The following CRB1 variants were observed in gnomAD, a reference collection of about 807,000 sequenced individuals.
CRB1 encodes the protein protein crumbs homolog 1.
In CRB1, 83 loss-of-function variants were observed where a neutral mutation model predicts 120.0. The observed-to-expected ratio is 0.69, with a 90% CI of 0.58 to 0.83. The LOEUF (loss-of-function observed/expected upper bound fraction) is 0.83. Ranked by LOEUF, CRB1 falls within the 40% of genes least tolerant of loss-of-function variation. CRB1 has a pLI of 0.00. For missense variants in CRB1, 1,699 were observed against 1,687.6 expected, an observed-to-expected ratio of 1.01 and a Z score of -0.12; for synonymous variants, 625 against 612.5, an observed-to-expected ratio of 1.02 and a Z score of -0.30.
chr1:197,412,219 A>G (rs1355454272), intron 5 of CRB1, among the ~76,000 whole-genome samples: 1 of 152,266 alleles, frequency 6.6e-6, no homozygotes, highest in Non-Finnish European at 1.5e-5. Flanking sequence ...TATAAATTCA[A>G]TAAGTATGCC....
At chr1:197,378,160 G>A (rs1661745850) in intron 5 of CRB1, among the ~76,000 whole-genome samples, 1 of 152,164 alleles carries the variant, frequency 6.6e-6, no homozygotes, top group South Asian at 2.1e-4. Context: ...ATGGTGGCTA[G>A]AATAAAGTTA....
intron 11 of CRB1, among the ~76,000 whole-genome samples, chr1:197,456,188 T>C (rs1410720243): frequency 2.0e-5 from 3 of 152,162 alleles, no homozygotes; most frequent in Non-Finnish European, 2.9e-5. Flanking sequence ...TAATGACTGA[T>C]AAATGGCTGA....
Position 197,474,091 on chromosome 1 carries a change from A to G in CRB1, c.4006-3573A>G, listed in dbSNP as rs540701403. Among the ~76,000 whole-genome samples the G allele has an allele frequency of 2.6e-5, 4 of 152,324 alleles. No homozygotes were observed. The East Asian group carries it at 7.7e-4, about 29-fold the overall frequency. ...CTGAGGGAATTCTAGTTTATCTTTT[A>G]AAAGCAAATAGAATTAGGGAAAATG... On this transcript the variant is annotated intron_variant, in intron 11 of 11. Coordinates refer to ENST00000367400, the MANE Select transcript of CRB1 (RefSeq NM_201253.3).
intron 1 of CRB1, among the ~76,000 whole-genome samples, chr1:197,268,868 C>T (rs1288180767): frequency 6.6e-6 from 1 of 152,118 alleles, no homozygotes; most frequent in East Asian, 1.9e-4. Flanking sequence ...TCATTTTATT[C>T]CCACATACTA....
In CRB1 at chr1:197,347,384, G is replaced by A; in HGVS notation, c.893G>A (p.Cys298Tyr). The A allele has an allele frequency of 6.2e-7, 1 of 1,614,012 alleles. No individual in the cohort carries two copies. The highest frequency in any genetic ancestry group is 1.3e-5 in the African/African-American group (1 of 75,044). Residue 298 changes from cysteine to tyrosine, a missense_variant, in exon 4 of 12, where the codon TGT (cysteine) becomes TAT (tyrosine). Cys to Tyr is a radical substitution (Grantham distance 194). Transcript: ENST00000367400. ...CTGSGFTGTHCETLMPLCWSK... is the reference protein window; with the variant it reads ...CTGSGFTGTHYETLMPLCWSK... ...GGTAGTGGATTCACAGGGACACACTGTGAGACCTTGATGCCTCTTTGTTGG... is the reference window on the plus strand; with the variant it reads ...GGTAGTGGATTCACAGGGACACACTATGAGACCTTGATGCCTCTTTGTTGG...
chr1:197,237,812 T>G, the CRB1 span, among the ~76,000 whole-genome samples: 9 of 152,174 alleles, frequency 5.9e-5, no homozygotes, highest in Non-Finnish European at 1.0e-4. Flanking sequence ...GGATCAGCTC[T>G]TCTTTCACTG....
chr1:197,427,684 G>T lies in CRB1; in HGVS notation c.2359G>T (p.Val787Phe), dbSNP rs140608881. ...PNSPKLVVKF[V>F]LNDGNVHLIS... ...CTCTCCCAAATTAGTAGTAAAATTT[G>T]TTCTTAATGATGGAAATGTCCACTT... is the stretch of plus-strand genomic sequence containing the variant. Residue 787 changes from valine to phenylalanine, a missense_variant, in exon 7 of 12, where the codon GTT becomes TTT. By Grantham distance (50) the Val-to-Phe change is conservative. Coordinates refer to ENST00000367400, the MANE Select transcript of CRB1 (RefSeq NM_201253.3). 4 of 1,613,744 alleles carry T rather than the reference G, an allele frequency of 2.5e-6. No homozygotes were observed. In the African/African-American group the frequency reaches 5.3e-5, roughly 22 times the overall value.
At chr1:197,385,110 T>C (rs878909312) in intron 5 of CRB1, among the ~76,000 whole-genome samples, 2 of 152,120 alleles carry the variant, frequency 1.3e-5, no homozygotes, top group Admixed American at 1.3e-4. Context: ...AAAAAGGGAA[T>C]TTTCCTGTGA....
intron 11 of CRB1, among the ~76,000 whole-genome samples, chr1:197,465,749 A>C (rs1666724028): frequency 6.6e-6 from 1 of 152,242 alleles, no homozygotes; most frequent in Non-Finnish European, 1.5e-5. Flanking sequence ...GCAGAGTTCG[A>C]AACTGAAAGT....
chr1:197,429,523 A>T lies in CRB1; in HGVS notation c.2751A>T (p.Thr917=), dbSNP rs936120896. Residue 917 remains threonine (T), a synonymous_variant, in exon 8 of 12, where the codon ACA becomes ACT. Coordinates refer to ENST00000367400, the MANE Select transcript of CRB1 (RefSeq NM_201253.3). ...TCTCCTGTTCCTGTCCTGCCCTCAC[A>T]AGTGGGAAAGCCTGTGAGGAGGTTC... ...DDFSCSCPAL[T]SGKACEEVQW... The T allele has an allele frequency of 6.2e-7, 1 of 1,613,752 alleles. No homozygotes were observed. The highest frequency in any genetic ancestry group is 1.3e-5 in the African/African-American group (1 of 74,802).
chr1:197,347,405 GT>G lies in CRB1; in HGVS notation c.916del (p.Trp306GlyfsTer146). On this transcript the variant is annotated frameshift_variant, in exon 4 of 12. Coordinates refer to ENST00000367400, the MANE Select transcript of CRB1 (RefSeq NM_201253.3). LOFTEE classifies it high-confidence loss of function. The part of the protein sequence containing the change: ...GTHCETLMPL[C>X]WSKPCHNNAT... ...CACTGTGAGACCTTGATGCCTCTTT[GT>G]TGGTCAAAACCTTGTCACAATAATG... The G allele has an allele frequency of 6.2e-7, 1 of 1,614,076 alleles. No individual in the cohort carries two copies. The highest frequency in any genetic ancestry group is 8.5e-7 in the Non-Finnish European group (1 of 1,179,930).
chr1:197,248,062 G>A, the CRB1 span, among the ~76,000 whole-genome samples: 346 of 151,952 alleles, frequency 2.3e-3, 3 homozygotes, highest in African/African-American at 8.0e-3. Context: ...AATCAAAATT[G>A]TATATTTTAA....
chr1:197,374,022 G>A (rs909919236), intron 5 of CRB1, among the ~76,000 whole-genome samples: 1 of 152,208 alleles, frequency 6.6e-6, no homozygotes, highest in East Asian at 1.9e-4. Context: ...AATGCTCCTT[G>A]TAATGTGGCC....
chr1:197,241,419 G>T, the CRB1 span, among the ~76,000 whole-genome samples: 4 of 152,266 alleles, frequency 2.6e-5, no homozygotes, highest in African/African-American at 9.6e-5. Flanking sequence ...TTCTGCATAT[G>T]CCTAGTGAGT....
chr1:197,334,476 TA>T (rs112794812), intron 2 of CRB1, among the ~76,000 whole-genome samples: 1 of 152,216 alleles, frequency 6.6e-6, no homozygotes, highest in African/African-American at 2.4e-5. Flanking sequence ...AATACCATAA[TA>T]AAAAGGGCTT....
intron 11 of CRB1, among the ~76,000 whole-genome samples, chr1:197,470,555 C>T (rs536807926): frequency 7.2e-5 from 11 of 152,222 alleles, no homozygotes; most frequent in South Asian, 2.1e-4. Context: ...TGAGATGAGG[C>T]GATAATTTTT....
At chr1:197,348,195 T>A (rs1659884835) in intron 4 of CRB1, among the ~76,000 whole-genome samples, 1 of 152,164 alleles carries the variant, frequency 6.6e-6, no homozygotes, top group Non-Finnish European at 1.5e-5. Flanking sequence ...GTCTTAACAT[T>A]GTAGTATCAC....
At chr1:197,399,379 A>AAAT (rs1471506516) in intron 5 of CRB1, among the ~76,000 whole-genome samples, 1 of 152,170 alleles carries the variant, frequency 6.6e-6, no homozygotes, top group Non-Finnish European at 1.5e-5. Flanking sequence ...GGAAATAGTC[A>AAAT]AATAGGGTTG....
chr1:197,260,217 A>ACG, the CRB1 span, among the ~76,000 whole-genome samples: 1 of 548 alleles, frequency 1.8e-3, no homozygotes, highest in South Asian at 0.042. Flanking sequence ...GGAAGGAGAA[A>ACG]AACAACTAAG....
Sources: allele counts gnomAD v4.1 joint callset (sites outside exome capture counted in the v4.1 genomes callset), GRCh38; gene constraint gnomAD v4.1.1; transcripts MANE v1.5; gene names NCBI Gene and HGNC (gene_info 2026-07-23, HGNC 2026-07-21).